The following CHKA variants were observed in gnomAD, a reference collection of about 807,000 sequenced individuals.
CHKA encodes choline kinase alpha.
CHKA carries 34 observed loss-of-function variants against 60.1 expected under a neutral mutation model. The ratio of observed to expected loss-of-function variants is 0.57; its 90% CI spans 0.43 to 0.75. The LOEUF (loss-of-function observed/expected upper bound fraction) is 0.75, where lower values mean the gene tolerates loss of function less well. CHKA is among the 30% of genes least tolerant of loss of function. The probability of loss-of-function intolerance (pLI) is 0.00; values close to 1 mark genes in which losing one functional copy is unlikely to be tolerated. For missense variants in CHKA, 563 were observed against 561.3 expected, an observed-to-expected ratio of 1.00 and a Z score of -0.03; for synonymous variants, 217 against 223.1, an observed-to-expected ratio of 0.97 and a Z score of 0.24.
chr11:68,092,513 T>G (rs1163374078), intron 2 of CHKA, among the ~76,000 whole-genome samples: 1 of 152,240 alleles, frequency 6.6e-6, no homozygotes, highest in African/African-American at 2.4e-5. Flanking sequence ...GCACAGTGTG[T>G]GGCAGCTCAG....
intron 3 of CHKA, among the ~76,000 whole-genome samples, chr11:68,080,917 C>CT (rs1565181372): frequency 6.6e-6 from 1 of 152,254 alleles, no homozygotes; most frequent in Non-Finnish European, 1.5e-5. Context: ...GTCACATTCT[C>CT]TAAGTCTAGG....
intron 1 of CHKA, among the ~76,000 whole-genome samples, chr11:68,116,607 C>T (rs939387999): frequency 6.6e-6 from 1 of 151,794 alleles, no homozygotes; most frequent in Non-Finnish European, 1.5e-5. Context: ...ATCCCAGCTA[C>T]TCGGGAGGCC....
chr11:68,061,621 G>C (rs1265499201), intron 11 of CHKA: 2 of 428,964 alleles, frequency 4.7e-6, no homozygotes, highest in African/African-American at 4.0e-5. Flanking sequence ...AGAAGGGACT[G>C]AGGTCAGAGC....
chr11:68,098,646 T>C (rs531007227), intron 1 of CHKA, among the ~76,000 whole-genome samples: 3 of 152,182 alleles, frequency 2.0e-5, no homozygotes, highest in Admixed American at 6.5e-5. Flanking sequence ...ATTGTTAAAA[T>C]TGTATTTTTA....
chr11:68,095,264 G>A (rs748646569), intron 2 of CHKA, among the ~76,000 whole-genome samples: 14 of 151,376 alleles, frequency 9.2e-5, no homozygotes, highest in Admixed American at 5.3e-4. Context: ...TTAGCCAGGC[G>A]TGGTGGCGGA....
At chr11:68,100,937 C>CTTTTT (rs758101816) in intron 1 of CHKA, among the ~76,000 whole-genome samples, 16 of 78,198 alleles carry the variant, frequency 2.0e-4, no homozygotes, top group African/African-American at 3.6e-4. Flanking sequence ...TAAAGAGGTT[C>CTTTTT]TTTTTTTTTT....
chr11:68,108,859 G>T (rs1185039956), intron 1 of CHKA, among the ~76,000 whole-genome samples: 1 of 152,186 alleles, frequency 6.6e-6, no homozygotes. Context: ...ATCAGCACTA[G>T]GGTAGGAAAA....
intron 2 of CHKA, among the ~76,000 whole-genome samples, chr11:68,094,735 G>A (rs1220925780): frequency 6.6e-6 from 1 of 152,204 alleles, no homozygotes; most frequent in African/African-American, 2.4e-5. Flanking sequence ...CTGGATGCCA[G>A]CTATCTGCAC....
chr11:68,084,171 C>T (rs1857078856), intron 2 of CHKA, among the ~76,000 whole-genome samples: 1 of 149,054 alleles, frequency 6.7e-6, no homozygotes, highest in Non-Finnish European at 1.5e-5. Context: ...CGCTTGAATC[C>T]GGGAAGAAGA....
chr11:68,074,201 A>G (rs567772444), intron 4 of CHKA, among the ~76,000 whole-genome samples: 92 of 152,254 alleles, frequency 6.0e-4, no homozygotes, highest in Non-Finnish European at 1.1e-3. Context: ...CTGCTTAGAA[A>G]TAAGACTGCA....
At chr11:68,072,536 G>A (rs1410373004) in intron 4 of CHKA, among the ~76,000 whole-genome samples, 1 of 133,288 alleles carries the variant, frequency 7.5e-6, no homozygotes, top group Non-Finnish European at 1.6e-5. Flanking sequence ...GGGCAATAGA[G>A]TGAGACCCTA....
At chr11:68,111,140 G>A (rs1461492357) in intron 1 of CHKA, among the ~76,000 whole-genome samples, 5 of 151,788 alleles carry the variant, frequency 3.3e-5, no homozygotes, top group African/African-American at 4.8e-5. Context: ...GGCCAGGCGC[G>A]GTGGCTCATG....
At chr11:68,113,117 G>A (rs1175330460) in intron 1 of CHKA, among the ~76,000 whole-genome samples, 1 of 82,662 alleles carries the variant, frequency 1.2e-5, no homozygotes, top group Non-Finnish European at 2.6e-5. Flanking sequence ...AAAAGAAGCT[G>A]TGGCAGGAAA....
In CHKA at chr11:68,066,517, CT is replaced by C; in HGVS notation, c.929-2del. 1.2e-6 allele frequency: 2 copies of C among 1,612,634 alleles called. No individual in the cohort carries two copies. The highest frequency in any genetic ancestry group is 8.5e-7 in the Non-Finnish European group (1 of 1,178,672). ...CGGCCTTCCAGCAACAAGATATTAC[CT>C]GCAAAAGGTTTGGATAACATGGTTT... On this transcript the variant is annotated splice_acceptor_variant, in intron 7 of 11. Transcript: ENST00000265689. LOFTEE classifies it high-confidence loss of function.
chr11:68,060,882 C>T (rs984953431), intron 11 of CHKA, among the ~76,000 whole-genome samples: 1 of 152,082 alleles, frequency 6.6e-6, no homozygotes, highest in African/African-American at 2.4e-5. Context: ...ATTACCAAAC[C>T]TTCTGCCTAG....
Position 68,055,115 on chromosome 11 carries a change from G to A in CHKA, c.1315-1068C>T, listed in dbSNP as rs550516365. Among the ~76,000 whole-genome samples the A allele has an allele frequency of 7.9e-5, 12 of 152,304 alleles. No individual in the cohort carries two copies. The East Asian group carries it at 1.5e-3, about 20-fold the overall frequency. On this transcript the variant is annotated intron_variant, in intron 11 of 11. Coordinates refer to ENST00000265689, the MANE Select transcript of CHKA (RefSeq NM_001277.3). ...ACGATTATAAATGAAGGTGCAGACC[G>A]GGCGAGGTGGCTCACACCTGTAATC...
intron 1 of CHKA, among the ~76,000 whole-genome samples, chr11:68,100,685 T>C (rs1488155174): frequency 6.6e-6 from 1 of 151,142 alleles, no homozygotes; most frequent in Non-Finnish European, 1.5e-5. Flanking sequence ...TTTAAATATA[T>C]ATATGCACAC....
At chr11:68,061,095 G>GTTTTTTTTTTTTTTT (rs757176198) in intron 11 of CHKA, among the ~76,000 whole-genome samples, 2 of 70,840 alleles carry the variant, frequency 2.8e-5, no homozygotes, top group African/African-American at 1.3e-4. Context: ...GTCAGTGACA[G>GTTTTTTTTTTTTTTT]TTTTTTTTTT....
intron 7 of CHKA, among the ~76,000 whole-genome samples, chr11:68,067,554 T>C (rs976364985): frequency 6.6e-6 from 1 of 152,102 alleles, no homozygotes; most frequent in Non-Finnish European, 1.5e-5. Context: ...TAGACTGCAC[T>C]ACTGCACACC....
Sources: gnomAD v4.1 joint callset for allele counts (sites outside exome capture counted in the v4.1 genomes callset) on GRCh38, gnomAD v4.1.1 for gene constraint, MANE v1.5 for transcripts, NCBI Gene and HGNC (gene_info 2026-07-23, HGNC 2026-07-21) for gene names.